VWA3A: variants seen among roughly 807,000 people sequenced by gnomAD.
VWA3A encodes von Willebrand factor A domain-containing protein 3A.
In VWA3A, 134 loss-of-function variants were observed where a neutral mutation model predicts 160.4. The observed-to-expected ratio is 0.84, with a 90% confidence interval of 0.73 to 0.96. VWA3A has a LOEUF of 0.96. VWA3A is among the 40% of genes least tolerant of loss of function. The probability of loss-of-function intolerance (pLI) is 0.00; values close to 1 mark genes in which losing one functional copy is unlikely to be tolerated. For synonymous variants in VWA3A, 476 were observed against 543.4 expected (o/e 0.88, Z 1.72); for missense variants, 1,310 against 1,447.9 (o/e 0.90, Z 1.55).
At position 22,121,540 on chromosome 16, in the gene VWA3A, C is replaced by T; in HGVS notation, c.1279C>T (p.Leu427=). Residue 427 remains leucine (L), a synonymous_variant, in exon 14 of 34, where the codon CTG becomes TTG. Coordinates refer to ENST00000389398, the MANE Select transcript of VWA3A (RefSeq NM_173615.5). ...CAAGAAATTAAGTCTATATCAGGTC[C>T]TGGCACCCAATGCATTCTCTCCTGT... The part of the protein sequence containing the change: ...KAKKLSLYQV[L]APNAFSPVEE... 6.2e-7 allele frequency: 1 copy of T among 1,613,718 alleles called. No homozygotes were observed. The highest frequency in any genetic ancestry group is 1.1e-5 in the South Asian group (1 of 91,070).
At chr16:22,113,363 C>CTTATTTTT (rs2045581028) in intron 8 of VWA3A, among the ~76,000 whole-genome samples, 2 of 46,252 alleles carry the variant, frequency 4.3e-5, no homozygotes, top group African/African-American at 5.6e-5. Context: ...GGCTAATTTT[C>CTTATTTTT]TTTTTTTTTT....
intron 2 of VWA3A, among the ~76,000 whole-genome samples, chr16:22,097,204 A>G (rs1007228186): frequency 6.6e-6 from 1 of 152,008 alleles, no homozygotes; most frequent in African/African-American, 2.4e-5. Flanking sequence ...TGACCTCATG[A>G]TCCGCCCGTC....
chr16:22,098,780 A>G (rs2045362327), intron 3 of VWA3A, among the ~76,000 whole-genome samples: 1 of 152,088 alleles, frequency 6.6e-6, no homozygotes, highest in Non-Finnish European at 1.5e-5. Flanking sequence ...TGAATTATTA[A>G]GTCCACCATG....
chr16:22,147,888 G>C (rs919191487), intron 27 of VWA3A, among the ~76,000 whole-genome samples: 11 of 152,164 alleles, frequency 7.2e-5, no homozygotes, highest in African/African-American at 2.7e-4. Context: ...AAGCCCAGGA[G>C]GTTATAACCG....
chr16:22,143,749 C>CT (rs555474217), intron 25 of VWA3A, among the ~76,000 whole-genome samples: 1,530 of 127,298 alleles, frequency 0.012, 22 homozygotes, highest in African/African-American at 0.027. Context: ...TTCTTTCTTT[C>CT]TTTTTTTTTT....
At chr16:22,117,286 T>A (rs1291425053) in intron 11 of VWA3A, 110 bp downstream of exon 11, 1 of 1,171,142 alleles carries the variant, frequency 8.5e-7, no homozygotes, top group Non-Finnish European at 1.2e-6. Flanking sequence ...TTTCTCCTTT[T>A]CTCCTTGTCC....
chr16:22,140,424 A>G (rs2046125343), intron 23 of VWA3A, among the ~76,000 whole-genome samples, 180 bp downstream of exon 23: 1 of 152,122 alleles, frequency 6.6e-6, no homozygotes, highest in African/African-American at 2.4e-5. Context: ...CCTTGACAAC[A>G]TAGCAAGACT....
At chr16:22,099,862 G>C (rs1265366221) in intron 3 of VWA3A, among the ~76,000 whole-genome samples, 1 of 152,158 alleles carries the variant, frequency 6.6e-6, no homozygotes, top group East Asian at 1.9e-4. Flanking sequence ...ATCACTTGAG[G>C]TCAGGAGTTT....
At chr16:22,146,434 C>T in intron 27 of VWA3A, 90 bp downstream of exon 27, 1 of 1,112,194 alleles carries the variant, frequency 9.0e-7, no homozygotes, top group Admixed American at 2.2e-5. Context: ...CCTTCCAAAG[C>T]CAGGCCTTCA....
intron 14 of VWA3A, 34 bp from the exon 15 acceptor site, chr16:22,123,051 G>C (rs1053274604): frequency 6.4e-7 from 1 of 1,556,574 alleles, no homozygotes; most frequent in Non-Finnish European, 8.7e-7. Flanking sequence ...ACTTCTGTTC[G>C]CCTGCTCACC....
intron 14 of VWA3A, among the ~76,000 whole-genome samples, chr16:22,122,584 G>T (rs897734882): frequency 1.3e-5 from 2 of 152,130 alleles, no homozygotes; most frequent in African/African-American, 2.4e-5. Context: ...GTGCATGGAT[G>T]AATGACTAGA....
rs1177627002 is a variant in VWA3A, at chr16:22,152,569, C to T, written c.3340C>T (p.Pro1114Ser). 1.9e-6 allele frequency: 3 copies of T among 1,612,270 alleles called. No individual in the cohort carries two copies. Among genetic ancestry groups the T allele is most frequent in the Non-Finnish European group, 2.5e-6 (3 of 1,179,236 alleles). The part of the protein sequence containing the change: ...ASFTGGRYHC[P>S]VGEDTLSKIH... ...CTTCACCGGCGGACGCTATCACTGC[C>T]CTGTGGGTGAGGACACACTCTCCAA... The change falls in exon 31 of 34, where the codon CCT (proline) becomes TCT (serine). Residue 1114 changes from proline (P) to serine (S), a missense_variant. Physicochemically the swap from Pro to Ser is moderately conservative, Grantham distance 74 (BLOSUM62 -1). Coordinates refer to ENST00000389398, the MANE Select transcript of VWA3A (RefSeq NM_173615.5).
intron 15 of VWA3A, chr16:22,123,392 T>G (rs774090774): frequency 3.5e-5 from 51 of 1,450,882 alleles, no homozygotes; most frequent in Non-Finnish European, 4.4e-5. Flanking sequence ...GGGAAAGATC[T>G]GCTTCCTTCC....
rs181230179 is a variant in VWA3A, at chr16:22,149,723, C to T, written c.2985-64C>T. ...CTTATCTGAATTCAATCTAGACAGGCCTGTTCTAACCAATCTCTTTCTCCC... is the reference window on the plus strand; with the variant it reads ...CTTATCTGAATTCAATCTAGACAGGTCTGTTCTAACCAATCTCTTTCTCCC... On this transcript the variant is annotated intron_variant, in intron 28 of 33. Coordinates refer to ENST00000389398, the MANE Select transcript of VWA3A (RefSeq NM_173615.5). The T allele has an allele frequency of 1.2e-4, 181 of 1,514,560 alleles. 1 individual carries two copies. The African/African-American group carries it at 2.1e-3, about 18-fold the overall frequency. 93.8% of individuals were successfully genotyped at this position (1,514,560 alleles called of 1,614,324 possible). A position where few individuals can be genotyped will look rare whatever the true frequency, so the allele number is the denominator to read the frequency against.
chr16:22,121,166 C>A, intron 13 of VWA3A, 63 bp downstream of exon 13: 2 of 1,607,920 alleles, frequency 1.2e-6, no homozygotes, highest in Non-Finnish European at 1.7e-6. Flanking sequence ...TTGAATCCGG[C>A]CGGGCACAGT....
chr16:22,096,762 G>A, intron 1 of VWA3A, 97 bp from the exon 2 acceptor site: 4 of 824,794 alleles, frequency 4.8e-6, no homozygotes, highest in African/African-American at 1.8e-5. Context: ...AATTAAACAT[G>A]TAGAAAAAGA....
chr16:22,131,918 G>A (rs2045956418), intron 19 of VWA3A, among the ~76,000 whole-genome samples, 189 bp downstream of exon 19: 1 of 152,026 alleles, frequency 6.6e-6, no homozygotes, highest in African/African-American at 2.4e-5. Context: ...GCAATATAGT[G>A]AGACCACATT....
rs1349077845 is a variant in VWA3A at position 22,136,485 on chromosome 16, A to C, written c.2140-1875A>C. On this transcript the variant is annotated intron_variant, in intron 21 of 33. Coordinates refer to ENST00000389398, the MANE Select transcript of VWA3A (RefSeq NM_173615.5). ...GGAGATGGAGATTTAGGGCAGTTCA[A>C]GCCACAGTGACGGACAGAGGGCACT... Among the ~76,000 whole-genome samples, 4 of 152,100 alleles carry C rather than the reference A, an allele frequency of 2.6e-5. No individual in the cohort carries two copies. In the East Asian group the frequency reaches 5.8e-4, roughly 22 times the overall value.
At position 22,155,831 on chromosome 16, in the gene VWA3A, C is replaced by T; in HGVS notation, c.3504-20C>T. The T allele has an allele frequency of 1.2e-6, 2 of 1,613,902 alleles. No homozygotes were observed. The highest frequency in any genetic ancestry group is 1.7e-6 in the Non-Finnish European group (2 of 1,179,874). The stretch of plus-strand genomic sequence containing the variant: ...TCTGGGCACCAGGGAGACCATCTTT[C>T]TTCATCTCCTGCCCACCAGATCCCA... On this transcript the variant is annotated intron_variant, in intron 32 of 33. Transcript: ENST00000389398.
Sources: allele counts gnomAD v4.1 joint callset (sites outside exome capture counted in the v4.1 genomes callset), GRCh38; gene constraint gnomAD v4.1.1; transcripts MANE v1.5; gene names NCBI Gene and HGNC (gene_info 2026-07-23, HGNC 2026-07-21).